Variants in GRM7 observed in about 807,000 individuals in gnomAD.
GRM7 encodes the protein metabotropic glutamate receptor 7.
GRM7 carries 35 observed loss-of-function variants against 84.5 expected under a neutral mutation model. The ratio of observed to expected loss-of-function variants is 0.41; its 90% CI spans 0.32 to 0.55. The LOEUF (loss-of-function observed/expected upper bound fraction) is 0.55. GRM7 is among the 20% of genes least tolerant of loss of function. The pLI, the probability that GRM7 is intolerant of heterozygous loss-of-function variation, is 0.19. For missense variants in GRM7, 1,003 were observed against 1,194.6 expected (o/e 0.84, Z 2.36); for synonymous variants, 487 against 455.1 (o/e 1.07, Z -0.89).
intron 1 of GRM7, among the ~76,000 whole-genome samples, chr3:6,949,479 G>T (rs1302775668): frequency 6.6e-6 from 1 of 152,134 alleles, no homozygotes; most frequent in Non-Finnish European, 1.5e-5. Context: ...CTCTCTGGTT[G>T]CCCTTAACAT....
intron 1 of GRM7, among the ~76,000 whole-genome samples, chr3:7,059,003 G>A (rs1169402255): frequency 2.0e-5 from 3 of 151,996 alleles, no homozygotes; most frequent in East Asian, 1.9e-4. Flanking sequence ...AACTGTGGGA[G>A]CTAAGAACAT....
chr3:7,557,413 T>C (rs140806591), intron 7 of GRM7, among the ~76,000 whole-genome samples: 122 of 152,314 alleles, frequency 8.0e-4, no homozygotes, highest in African/African-American at 2.6e-3. Flanking sequence ...TTTGAATATA[T>C]TTTGAAATTA....
intron 1 of GRM7, among the ~76,000 whole-genome samples, chr3:6,874,689 A>G (rs1369938049): frequency 6.6e-6 from 1 of 152,144 alleles, no homozygotes. Context: ...ATGTTATTAT[A>G]CTATATCCTG....
At chr3:6,980,968 C>A (rs924701056) in intron 1 of GRM7, among the ~76,000 whole-genome samples, 1 of 152,082 alleles carries the variant, frequency 6.6e-6, no homozygotes, top group Non-Finnish European at 1.5e-5. Flanking sequence ...GTTTTTTTCC[C>A]AGTGCAAAGT....
In GRM7 at chr3:7,354,620, G is replaced by C. The variant is rs545942075; in HGVS notation, c.1033+47968G>C. On this transcript the variant is annotated intron_variant, in intron 4 of 9. Coordinates refer to ENST00000357716, the MANE Select transcript of GRM7 (RefSeq NM_000844.4). ...TCAAGGACTTGACAGATGTAGGGGT[G>C]GTGATTCCCACATCCCCATTCTATT... 3.7e-4 allele frequency among the ~76,000 whole-genome samples: 56 copies of C among 152,222 alleles called. 1 individual carries two copies. Among genetic ancestry groups the C allele is most frequent in the African/African-American group, 1.1e-3 (45 of 41,550 alleles).
intron 7 of GRM7, among the ~76,000 whole-genome samples, chr3:7,473,106 C>G (rs1182196853): frequency 6.6e-6 from 1 of 152,134 alleles, no homozygotes; most frequent in Non-Finnish European, 1.5e-5. Flanking sequence ...CGATTGCTGA[C>G]TTCCTGAGAA....
At chr3:7,364,744 C>A (rs2125109342) in intron 4 of GRM7, among the ~76,000 whole-genome samples, 1 of 151,862 alleles carries the variant, frequency 6.6e-6, no homozygotes, top group Non-Finnish European at 1.5e-5. Flanking sequence ...ATGCTGTAAT[C>A]CTGCTCACTG....
intron 1 of GRM7, among the ~76,000 whole-genome samples, chr3:6,872,338 G>A (rs1371600677): frequency 6.6e-6 from 1 of 152,098 alleles, no homozygotes; most frequent in Non-Finnish European, 1.5e-5. Context: ...CACTCTCCAA[G>A]CTTGCATGCT....
In GRM7 at chr3:7,482,079, C is replaced by G. The variant is rs372784370; in HGVS notation, c.1515+20357C>G. Among the ~76,000 whole-genome samples the G allele has an allele frequency of 8.2e-4, 124 of 152,048 alleles. 3 individuals are homozygous for G. In the South Asian group the frequency reaches 0.021, roughly 26 times the overall value. On this transcript the variant is annotated intron_variant, in intron 7 of 9. Transcript: ENST00000357716. ...TGTGGACACCTGTAGTCCCAGCTACCTGGGAGGCTGAGGCAGGAGAATGGC... is the reference window on the plus strand; with the variant it reads ...TGTGGACACCTGTAGTCCCAGCTACGTGGGAGGCTGAGGCAGGAGAATGGC...
At position 6,873,034 on chromosome 3, in the gene GRM7, C is replaced by A. The variant is rs562795817; in HGVS notation, c.519+11127C>A. ...CTGGTTCTAGATCCCTGAGGAATCA[C>A]CACACTGTCTTCCACAATGGTTGAA... On this transcript the variant is annotated intron_variant, in intron 1 of 9. Transcript: ENST00000357716. 2.6e-5 allele frequency among the ~76,000 whole-genome samples: 4 copies of A among 152,282 alleles called. No individual in the cohort carries two copies. In the East Asian group the frequency reaches 7.7e-4, roughly 29 times the overall value.
intron 1 of GRM7, among the ~76,000 whole-genome samples, chr3:7,058,831 A>T (rs569504727): frequency 2.4e-4 from 37 of 151,940 alleles, no homozygotes; most frequent in African/African-American, 8.7e-4. Context: ...GCAACTTAGA[A>T]CTTTCTAAAA....
intron 7 of GRM7, among the ~76,000 whole-genome samples, chr3:7,509,003 AAAT>A (rs1442390508): frequency 3.9e-5 from 6 of 152,162 alleles, no homozygotes; most frequent in East Asian, 1.9e-4. Flanking sequence ...AAAATTTCAG[AAAT>A]AATAAGTTTT....
intron 2 of GRM7, among the ~76,000 whole-genome samples, chr3:7,165,506 A>G (rs979759820): frequency 1.3e-4 from 20 of 152,216 alleles, no homozygotes; most frequent in African/African-American, 3.9e-4. Context: ...TCAAATTTCT[A>G]TATGGTTTTC....
intron 4 of GRM7, among the ~76,000 whole-genome samples, chr3:7,308,057 A>G (rs565372317): frequency 1.3e-5 from 2 of 152,330 alleles, no homozygotes; most frequent in African/African-American, 4.8e-5. Flanking sequence ...TCAGAGATAC[A>G]GGGAAATGAA....
intron 4 of GRM7, among the ~76,000 whole-genome samples, chr3:7,377,436 A>C (rs975470067): frequency 2.7e-4 from 41 of 152,190 alleles, no homozygotes; most frequent in Non-Finnish European, 3.2e-4. Context: ...TGTTCTTCTA[A>C]ACTGCTTAAG....
intron 1 of GRM7, among the ~76,000 whole-genome samples, chr3:7,063,126 GT>G (rs1283324255): frequency 6.6e-6 from 1 of 151,618 alleles, no homozygotes; most frequent in East Asian, 1.9e-4. Context: ...CATGCCCACT[GT>G]TGCCTAATGT....
chr3:7,195,966 G>T (rs1695864916), intron 2 of GRM7, among the ~76,000 whole-genome samples: 1 of 152,022 alleles, frequency 6.6e-6, no homozygotes, highest in Non-Finnish European at 1.5e-5. Flanking sequence ...TAAATATACA[G>T]GTATACTTGT....
chr3:6,928,988 A>G lies in GRM7; in HGVS notation c.519+67081A>G, dbSNP rs1212913431. Among the ~76,000 whole-genome samples the G allele has an allele frequency of 6.6e-6, 1 of 152,142 alleles. No individual in the cohort carries two copies. Among genetic ancestry groups the G allele is most frequent in the Non-Finnish European group, 1.5e-5 (1 of 68,034 alleles). On this transcript the variant is annotated intron_variant, in intron 1 of 9. Coordinates refer to ENST00000357716, the MANE Select transcript of GRM7 (RefSeq NM_000844.4). The surrounding 1 kb of genome is among the most constrained non-coding windows in gnomAD (Gnocchi z 4.5). Reference sequence around the variant, plus strand: ...TGCACCACTTGGCTTCTGTAAGCAAATGAGAGAGCTGAACATTCCACCCAC... The same window carrying G: ...TGCACCACTTGGCTTCTGTAAGCAAGTGAGAGAGCTGAACATTCCACCCAC...
intron 8 of GRM7, among the ~76,000 whole-genome samples, chr3:7,641,941 GA>G (rs1401759484): frequency 1.4e-5 from 1 of 69,602 alleles, no homozygotes; most frequent in Non-Finnish European, 2.8e-5. Flanking sequence ...TCAAGATGGG[GA>G]AAACCGTCAT....
Sources: allele counts gnomAD v4.1 joint callset (sites outside exome capture counted in the v4.1 genomes callset), GRCh38; gene constraint gnomAD v4.1.1; non-coding constraint Gnocchi (gnomAD v3.1); transcripts MANE v1.5; gene names NCBI Gene and HGNC (gene_info 2026-07-23, HGNC 2026-07-21).